RASA3: variants seen among roughly 807,000 people sequenced by gnomAD.
The protein encoded by RASA3 is RAS p21 protein activator 3.
RASA3 carries 73 observed loss-of-function variants against 110.0 expected under a neutral mutation model. The ratio of observed to expected loss-of-function variants is 0.66; its 90% CI spans 0.55 to 0.81. RASA3 has a LOEUF of 0.81. Among genes scored for constraint, RASA3 ranks in the 30% least tolerant of loss-of-function variants. RASA3 has a pLI of 0.00. For missense variants in RASA3, 976 were observed against 1,113.2 expected, an observed-to-expected ratio of 0.88 and a Z score of 1.75; for synonymous variants, 500 against 451.4, an observed-to-expected ratio of 1.11 and a Z score of -1.37.
At chr13:114,103,620 G>C (rs11355734) in intron 1 of RASA3, among the ~76,000 whole-genome samples, 1 of 202 alleles carries the variant, frequency 5.0e-3, no homozygotes. Context: ...CCACACTGCC[G>C]CCGACCACAG....
At chr13:113,990,872 C>T (rs1165097954) in intron 22 of RASA3, among the ~76,000 whole-genome samples, 1 of 152,256 alleles carries the variant, frequency 6.6e-6, no homozygotes, top group Admixed American at 6.5e-5. Flanking sequence ...GTGTACATGG[C>T]TATGCATACA....
intron 15 of RASA3, 142 bp downstream of exon 15, chr13:114,013,000 C>T: frequency 1.6e-6 from 1 of 641,476 alleles, no homozygotes; most frequent in Non-Finnish European, 2.7e-6. Flanking sequence ...CACACACTCC[C>T]CACTCACTCC....
chr13:114,048,563 C>G lies in RASA3; in HGVS notation c.277+3489G>C, dbSNP rs2079092236. On this transcript the variant is annotated intron_variant, in intron 3 of 23. Transcript: ENST00000334062. This position sits in a 1 kb window ranked among gnomAD's most constrained non-coding sequence, Gnocchi z 4.3. ...CGCGCATTTCCGTGGTTCCCGCATCCCAGCTGCGGGGAGCCATAGTTTCCG... is the reference window on the plus strand; with the variant it reads ...CGCGCATTTCCGTGGTTCCCGCATCGCAGCTGCGGGGAGCCATAGTTTCCG... 6.6e-6 allele frequency among the ~76,000 whole-genome samples: 1 copy of G among 152,216 alleles called. No individual in the cohort carries two copies. The highest frequency in any genetic ancestry group is 1.9e-4 in the East Asian group (1 of 5,188).
intron 23 of RASA3, 88 bp downstream of exon 23, chr13:113,981,587 A>C: frequency 6.9e-5 from 95 of 1,368,770 alleles, no homozygotes; most frequent in Non-Finnish European, 7.0e-5. Context: ...GGGCGGCCCC[A>C]CCCGGGAGCT....
chr13:114,055,137 T>C (rs1283347220), intron 2 of RASA3, among the ~76,000 whole-genome samples: 3 of 151,804 alleles, frequency 2.0e-5, no homozygotes, highest in Non-Finnish European at 4.4e-5. Context: ...TGCATGTTCA[T>C]GTGCATGTGT....
intron 2 of RASA3, among the ~76,000 whole-genome samples, chr13:114,069,476 GGGCCGGGA>G (rs2079519396): frequency 1.0e-5 from 1 of 98,208 alleles, no homozygotes; most frequent in African/African-American, 4.1e-5. Context: ...GGAGACTCGG[GGGCCGGGA>G]GACTCGGGGG....
chr13:114,007,546 C>G lies in RASA3; in HGVS notation c.1729G>C (p.Val577Leu), dbSNP rs74116414. 3.1e-6 allele frequency: 5 copies of G among 1,612,002 alleles called. No homozygotes were observed. In the African/African-American group the frequency reaches 5.4e-5, roughly 17 times the overall value. ...TACCCTCCTTACCCTTCTTTAAGCA[C>G]GATGGGCTGCTCAACACTCTTGGGG... ...RDPKSVEQPIVLKEGFMIKRA... is the reference protein window; with the variant it reads ...RDPKSVEQPILLKEGFMIKRA... The change falls in exon 18 of 24, where the codon GTG becomes CTG. Residue 577 changes from valine to leucine, a missense_variant. Physicochemically the swap from Val to Leu is conservative, Grantham distance 32 (BLOSUM62 1). This residue lies in a region of RASA3 where 732 missense variants were observed against 779.7 expected (regional missense o/e 0.94). Coordinates refer to ENST00000334062, the MANE Select transcript of RASA3 (RefSeq NM_007368.4).
At chr13:113,999,911 C>T (rs186167895) in intron 19 of RASA3, among the ~76,000 whole-genome samples, 2,660 of 15,328 alleles carry the variant, frequency 0.17, 426 homozygotes, top group Admixed American at 0.24. Context: ...GGGTCTCTAC[C>T]GGGGGGGGTC....
Position 114,057,391 on chromosome 13 carries a change from G to A in RASA3, c.174-5236C>T, listed in dbSNP as rs1412982228. The A allele has an allele frequency of 2.0e-6, 2 of 985,400 alleles. No homozygotes were observed. The highest frequency in any genetic ancestry group is 9.4e-5 in the South Asian group (2 of 21,290). The allele number at this position is 985,400 out of a possible 1,614,324, so 61.0% of individuals were successfully genotyped here. On this transcript the variant is annotated intron_variant, in intron 2 of 23. Coordinates refer to ENST00000334062, the MANE Select transcript of RASA3 (RefSeq NM_007368.4). The surrounding 1 kb of genome is among the most constrained non-coding windows in gnomAD (Gnocchi z 5.0). Reference sequence around the variant, plus strand: ...GCAGAAGGCATTGCAGGGCAGTGGGGTCCGGAGAGGCGGCCGTGCTACAGG... The same window carrying A: ...GCAGAAGGCATTGCAGGGCAGTGGGATCCGGAGAGGCGGCCGTGCTACAGG...
intron 1 of RASA3, among the ~76,000 whole-genome samples, chr13:114,106,680 C>G (rs1489838642): frequency 1.3e-5 from 2 of 152,176 alleles, no homozygotes; most frequent in African/African-American, 4.8e-5. Flanking sequence ...TGGGCTCTGT[C>G]TGAACTGATC....
intron 1 of RASA3, among the ~76,000 whole-genome samples, chr13:114,082,169 C>T (rs1425973045): frequency 6.6e-6 from 1 of 152,232 alleles, no homozygotes; most frequent in Non-Finnish European, 1.5e-5. Context: ...CCCCTACCTC[C>T]TCGCCCCACT....
In RASA3 at chr13:114,041,937, C is replaced by T. The variant is rs575213848; in HGVS notation, c.278-843G>A. Among the ~76,000 whole-genome samples, 9 of 152,340 alleles carry T rather than the reference C, an allele frequency of 5.9e-5. 1 individual carries two copies. In the South Asian group the frequency reaches 1.9e-3, roughly 32 times the overall value. On this transcript the variant is annotated intron_variant, in intron 3 of 23. Transcript: ENST00000334062. ...CTGGAATCTGCACCACCACAGGTCCCTGGGCACTTGTGTGGGCCCCAAAGT... is the reference window on the plus strand; with the variant it reads ...CTGGAATCTGCACCACCACAGGTCCTTGGGCACTTGTGTGGGCCCCAAAGT...
At chr13:114,120,802 A>G (rs1008710715) in intron 1 of RASA3, among the ~76,000 whole-genome samples, 1 of 152,260 alleles carries the variant, frequency 6.6e-6, no homozygotes, top group Admixed American at 6.5e-5. Context: ...GTCACCAGGC[A>G]CGGGTGAGGA....
rs760118443 is a variant in RASA3, at chr13:114,096,906, C to T, written c.56-23069G>A. 5.9e-5 allele frequency among the ~76,000 whole-genome samples: 9 copies of T among 152,178 alleles called. No homozygotes were observed. Among genetic ancestry groups the T allele is most frequent in the Non-Finnish European group, 1.3e-4 (9 of 68,026 alleles). On this transcript the variant is annotated intron_variant, in intron 1 of 23. Coordinates refer to ENST00000334062, the MANE Select transcript of RASA3 (RefSeq NM_007368.4). The surrounding 1 kb of genome is among the most constrained non-coding windows in gnomAD (Gnocchi z 5.1). ...CACTCCGTGTTTGCCAACATGTGCG[C>T]CTTTGAACATGCGTTCTCTCCGCCT...
chr13:114,074,560 G>A (rs558793847), intron 1 of RASA3, among the ~76,000 whole-genome samples: 2 of 152,326 alleles, frequency 1.3e-5, no homozygotes, highest in African/African-American at 4.8e-5. Flanking sequence ...TTTATATTAG[G>A]TCAAAGTTGG....
rs2053990643 is a variant in RASA3 at position 114,024,471 on chromosome 13, G to A, written c.604-116C>T. 1.2e-5 allele frequency: 11 copies of A among 883,236 alleles called. No homozygotes were observed. In the South Asian group the frequency reaches 1.5e-4, roughly 12 times the overall value. 54.7% of individuals were successfully genotyped at this position (883,236 alleles called of 1,614,324 possible). On this transcript the variant is annotated intron_variant, in intron 7 of 23. Coordinates refer to ENST00000334062, the MANE Select transcript of RASA3 (RefSeq NM_007368.4). ...GCGCTTACCCACACACCACTCAAGG[G>A]CCACAACCAGGAAGGCGCCAGGCGG...
chr13:114,118,255 C>A (rs1161634752), intron 1 of RASA3, among the ~76,000 whole-genome samples: 1 of 152,110 alleles, frequency 6.6e-6, no homozygotes, highest in Non-Finnish European at 1.5e-5. Flanking sequence ...CTGCAGCTGC[C>A]TCCTGGGAAC....
intron 1 of RASA3, among the ~76,000 whole-genome samples, chr13:114,117,198 C>T (rs1277090732): frequency 6.1e-5 from 5 of 82,510 alleles, no homozygotes; most frequent in African/African-American, 1.7e-4. Flanking sequence ...GAGGAGAGCA[C>T]GTGTGTGAGG....
At chr13:114,106,065 T>C (rs957156959) in intron 1 of RASA3, among the ~76,000 whole-genome samples, 2 of 152,170 alleles carry the variant, frequency 1.3e-5, no homozygotes, top group Admixed American at 6.5e-5. Context: ...GGTGTTGGGA[T>C]GGGTGCACAT....
Sources: gnomAD v4.1 joint callset for allele counts (sites outside exome capture counted in the v4.1 genomes callset) on GRCh38, gnomAD v4.1.1 for gene constraint, gnomAD v4.1.1 regional missense constraint, Gnocchi (gnomAD v3.1) non-coding constraint, MANE v1.5 for transcripts, NCBI Gene and HGNC (gene_info 2026-07-23, HGNC 2026-07-21) for gene names.